The following FEZ2 variants were observed in gnomAD, a reference collection of about 807,000 sequenced individuals.
FEZ2 encodes the protein fasciculation and elongation protein zeta-2.
A neutral mutation model predicts 40.4 loss-of-function variants in FEZ2; 51 were observed. That is an observed-to-expected ratio of 1.26 (90% CI 1.01 to 1.59). The LOEUF (loss-of-function observed/expected upper bound fraction) is 1.59, where lower values mean the gene tolerates loss of function less well. FEZ2 is among the 40% of genes most tolerant of loss of function. FEZ2 has a pLI of 0.00. For missense variants in FEZ2, 640 were observed against 438.3 expected, an observed-to-expected ratio of 1.46 and a Z score of -4.11; for synonymous variants, 242 against 172.0, an observed-to-expected ratio of 1.41 and a Z score of -3.18.
chr2:36,562,349 T>TAA (rs1668116778), intron 5 of FEZ2, among the ~76,000 whole-genome samples: 2 of 152,222 alleles, frequency 1.3e-5, no homozygotes, highest in African/African-American at 4.8e-5. Flanking sequence ...GAAGTCTTGA[T>TAA]AACAAAAAGC....
chr2:36,584,552 T>C (rs956554387), intron 2 of FEZ2, among the ~76,000 whole-genome samples: 2 of 152,234 alleles, frequency 1.3e-5, no homozygotes, highest in Admixed American at 1.3e-4. Flanking sequence ...AGGTGTTGAA[T>C]GGAACTGAAA....
intron 5 of FEZ2, among the ~76,000 whole-genome samples, chr2:36,571,638 G>C (rs896342378): frequency 2.0e-5 from 3 of 151,780 alleles, no homozygotes; most frequent in African/African-American, 7.3e-5. Flanking sequence ...CTGGGCAATA[G>C]AGCAAGACCC....
chr2:36,558,280 G>A (rs1167485691), intron 6 of FEZ2, 158 bp downstream of exon 6: 3 of 453,116 alleles, frequency 6.6e-6, no homozygotes, highest in East Asian at 6.7e-5. Context: ...TAATGTCACA[G>A]CCATTTTTGG....
chr2:36,588,105 T>C (rs1236545143), intron 2 of FEZ2, among the ~76,000 whole-genome samples: 1 of 152,148 alleles, frequency 6.6e-6, no homozygotes, highest in Non-Finnish European at 1.5e-5. Flanking sequence ...CTCGGCGCAC[T>C]GCAACCTCTG....
In FEZ2 at chr2:36,552,463, T is replaced by TAAA. The variant is rs1553340117; in HGVS notation, c.*697_*699dup. Reference sequence around the variant, plus strand: ...TCAAGCACCTCAGAGGACACACACTTAAAGTACAATTCTTCACAGACACAT... The same window carrying TAAA: ...TCAAGCACCTCAGAGGACACACACTTAAAAAAGTACAATTCTTCACAGACACAT... On this transcript the variant is annotated 3_prime_UTR_variant, in exon 8 of 8. Transcript: ENST00000405912. 3.5e-6 allele frequency: 1 copy of TAAA among 286,416 alleles called. No individual in the cohort carries two copies. Among genetic ancestry groups the TAAA allele is most frequent in the Non-Finnish European group, 6.9e-6 (1 of 145,476 alleles). 17.7% of individuals were successfully genotyped at this position (286,416 alleles called of 1,614,324 possible).
Position 36,581,304 on chromosome 2 carries a change from C to T in FEZ2, c.620G>A (p.Gly207Asp). Residue 207 changes from glycine (G) to aspartate (D), a missense_variant, in exon 4 of 8, where the codon GGC (glycine) becomes GAC (aspartate). Gly to Asp is a moderately conservative substitution (Grantham distance 94). Coordinates refer to ENST00000405912, the MANE Select transcript of FEZ2 (RefSeq NM_005102.3). ...EIQTLKRSST[G>D]SYEERVKRLS... ...GGCTCCCTTACTCTCTTCATAACTG[C>T]CGGTACTAGACCTCTTGAGAGTTTG... The T allele has an allele frequency of 6.2e-7, 1 of 1,613,818 alleles. No homozygotes were observed. The highest frequency in any genetic ancestry group is 8.5e-7 in the Non-Finnish European group (1 of 1,179,758).
At chr2:36,559,254 A>C (rs1276342677) in intron 5 of FEZ2, 2 of 152,212 alleles carry the variant, frequency 1.3e-5, no homozygotes, top group African/African-American at 4.8e-5. Context: ...ATGTCTTTTA[A>C]CTAATCCCAT....
rs981477150 is a variant in FEZ2, at chr2:36,592,910, T to A, written c.267-1899A>T. On this transcript the variant is annotated intron_variant, in intron 1 of 7. Transcript: ENST00000405912. The stretch of plus-strand genomic sequence containing the variant: ...AACTAACTCATCTACCCAGCAAAGC[T>A]CCCATATGCACAGTCCATTCCTATT... Among the ~76,000 whole-genome samples, 3 of 152,272 alleles carry A rather than the reference T, an allele frequency of 2.0e-5. No individual in the cohort carries two copies. In the East Asian group the frequency reaches 5.8e-4, roughly 29 times the overall value.
chr2:36,558,535 A>AT, intron 5 of FEZ2, 22 bp from the exon 6 acceptor site: 1 of 1,386,950 alleles, frequency 7.2e-7, no homozygotes, highest in South Asian at 1.4e-5. Context: ...AAAAAAAAAA[A>AT]GTGTCACTTA....
rs1669050158 is a variant in FEZ2, at chr2:36,590,843, G to A, written c.375+60C>T. The A allele has an allele frequency of 1.7e-5, 17 of 972,638 alleles. No homozygotes were observed. In the South Asian group the frequency reaches 2.1e-4, roughly 12 times the overall value. The allele number at this position is 972,638 out of a possible 1,614,324, so 60.3% of individuals were successfully genotyped here. ...ATCTGTGTTAAGCAGAAATGCTACTGTTTTAGTTCTATTATCAGCATCAGT... is the reference window on the plus strand; with the variant it reads ...ATCTGTGTTAAGCAGAAATGCTACTATTTTAGTTCTATTATCAGCATCAGT... On this transcript the variant is annotated intron_variant, in intron 2 of 7. Coordinates refer to ENST00000405912, the MANE Select transcript of FEZ2 (RefSeq NM_005102.3).
At chr2:36,597,534 G>A (rs1669261876) in intron 1 of FEZ2, among the ~76,000 whole-genome samples, 1 of 152,102 alleles carries the variant, frequency 6.6e-6, no homozygotes, top group Admixed American at 6.5e-5. Context: ...TTGAGTGAAT[G>A]AATGGCGACA....
At chr2:36,566,787 T>C (rs1668252890) in intron 5 of FEZ2, among the ~76,000 whole-genome samples, 1 of 152,246 alleles carries the variant, frequency 6.6e-6, no homozygotes, top group South Asian at 2.1e-4. Flanking sequence ...AGGAGGGCAG[T>C]CACTTTACTG....
intron 5 of FEZ2, among the ~76,000 whole-genome samples, chr2:36,576,180 T>G (rs1668563099): frequency 6.6e-6 from 1 of 152,220 alleles, no homozygotes; most frequent in Non-Finnish European, 1.5e-5. Flanking sequence ...CACTTTGGGT[T>G]TCTTTTGAGC....
intron 7 of FEZ2, among the ~76,000 whole-genome samples, chr2:36,553,877 G>C (rs1533949): frequency 6.6e-6 from 1 of 152,058 alleles, no homozygotes; most frequent in Non-Finnish European, 1.5e-5. Context: ...GCAAAGTGTC[G>C]TATTATTGGT....
chr2:36,559,641 G>GAAC (rs1009542601), intron 5 of FEZ2, among the ~76,000 whole-genome samples: 4 of 152,172 alleles, frequency 2.6e-5, no homozygotes, highest in African/African-American at 9.7e-5. Flanking sequence ...TCTTTGTAAA[G>GAAC]AACAACAACA....
At position 36,597,289 on chromosome 2, in the gene FEZ2, T is replaced by C. The variant is rs1284716599; in HGVS notation, c.266+588A>G. On this transcript the variant is annotated intron_variant, in intron 1 of 7. Coordinates refer to ENST00000405912, the MANE Select transcript of FEZ2 (RefSeq NM_005102.3). ...CTCCCACTCATCAGTCAGATCTCGT[T>C]TGCACATTTCTTTATAAAGTCGTTC... Among the ~76,000 whole-genome samples the C allele has an allele frequency of 2.6e-5, 4 of 152,110 alleles. No individual in the cohort carries two copies. The East Asian group carries it at 7.7e-4, about 29-fold the overall frequency.
chr2:36,572,729 G>A (rs1668452041), intron 5 of FEZ2, among the ~76,000 whole-genome samples: 1 of 152,100 alleles, frequency 6.6e-6, no homozygotes, highest in Admixed American at 6.5e-5. Flanking sequence ...GAGCAAATGT[G>A]CTGTTAAAAA....
At chr2:36,585,147 A>G (rs1459640041) in intron 2 of FEZ2, among the ~76,000 whole-genome samples, 1 of 152,236 alleles carries the variant, frequency 6.6e-6, no homozygotes, top group Non-Finnish European at 1.5e-5. Context: ...CAAAATGTCA[A>G]GTGAATTCTC....
chr2:36,596,516 G>A (rs956581373), intron 1 of FEZ2, among the ~76,000 whole-genome samples: 2 of 152,188 alleles, frequency 1.3e-5, no homozygotes, highest in Non-Finnish European at 2.9e-5. Flanking sequence ...GAGTGCAGTT[G>A]TGCGATGATG....
Sources: allele counts gnomAD v4.1 joint callset (sites outside exome capture counted in the v4.1 genomes callset), GRCh38; gene constraint gnomAD v4.1.1; transcripts MANE v1.5; gene names NCBI Gene and HGNC (gene_info 2026-07-23, HGNC 2026-07-21).